Variants in KLF12 observed in about 807,000 individuals in gnomAD.
KLF12 encodes KLF transcription factor 12.
KLF12 carries 9 observed loss-of-function variants against 37.8 expected under a neutral mutation model. The ratio of observed to expected loss-of-function variants is 0.24; its 90% CI spans 0.14 to 0.42. The LOEUF (loss-of-function observed/expected upper bound fraction) is 0.42, where lower values mean the gene tolerates loss of function less well. Ranked by LOEUF, KLF12 falls within the 10% of genes least tolerant of loss-of-function variation. The probability of loss-of-function intolerance (pLI) is 1.00; values close to 1 mark genes in which losing one functional copy is unlikely to be tolerated. For missense variants in KLF12, 411 were observed against 516.0 expected, an observed-to-expected ratio of 0.80 and a Z score of 1.97; for synonymous variants, 208 against 202.1, an observed-to-expected ratio of 1.03 and a Z score of -0.25.
chr13:73,934,925 T>C (rs1483990567), intron 3 of KLF12, among the ~76,000 whole-genome samples: 1 of 151,142 alleles, frequency 6.6e-6, no homozygotes, highest in East Asian at 1.9e-4. Flanking sequence ...CTCTGTGCTT[T>C]GTGCTTTATT....
At chr13:74,237,310 T>C in the KLF12 span, among the ~76,000 whole-genome samples, 1 of 144,244 alleles carries the variant, frequency 6.9e-6, no homozygotes, top group African/African-American at 2.9e-5. Context: ...TATCTCTGTT[T>C]TGGTACAAGT....
At chr13:73,841,049 A>G (rs1884707418) in intron 4 of KLF12, among the ~76,000 whole-genome samples, 3 of 152,102 alleles carry the variant, frequency 2.0e-5, no homozygotes. Flanking sequence ...CTCCCTTATC[A>G]TGCCTTATTT....
upstream of KLF12, among the ~76,000 whole-genome samples, chr13:74,138,771 C>A (rs184409934): frequency 1.2e-3 from 185 of 152,266 alleles, no homozygotes; most frequent in Non-Finnish European, 1.8e-3. Flanking sequence ...CCCTCACATG[C>A]ACTAATTATA....
chr13:74,218,518 T>C, the KLF12 span, among the ~76,000 whole-genome samples: 4 of 152,178 alleles, frequency 2.6e-5, no homozygotes, highest in Non-Finnish European at 5.9e-5. Context: ...CAGGTTCACA[T>C]GGTTTGAGTT....
At chr13:73,994,385 AC>A (rs1892049674) in intron 2 of KLF12, among the ~76,000 whole-genome samples, 1 of 152,154 alleles carries the variant, frequency 6.6e-6, no homozygotes, top group Admixed American at 6.5e-5. Context: ...TTACATTGTA[AC>A]CAGTAGAAAC....
At chr13:73,913,599 G>C (rs1888677426) in intron 3 of KLF12, among the ~76,000 whole-genome samples, 1 of 152,168 alleles carries the variant, frequency 6.6e-6, no homozygotes, top group Admixed American at 6.5e-5. Flanking sequence ...CTCTCACATA[G>C]TGAGAAAGGG....
the KLF12 span, among the ~76,000 whole-genome samples, chr13:74,143,150 C>T: frequency 6.6e-6 from 1 of 151,214 alleles, no homozygotes; most frequent in Non-Finnish European, 1.5e-5. Flanking sequence ...CCGTCTTCTT[C>T]TCCTTCCTCT....
intron 3 of KLF12, among the ~76,000 whole-genome samples, chr13:73,925,229 T>C (rs1310218941): frequency 1.3e-5 from 2 of 152,238 alleles, no homozygotes; most frequent in Non-Finnish European, 2.9e-5. Flanking sequence ...CATCTAGGAC[T>C]TGCATAGCAA....
At chr13:73,714,975 GGA>G (rs1465602828) in intron 7 of KLF12, among the ~76,000 whole-genome samples, 2 of 152,150 alleles carry the variant, frequency 1.3e-5, no homozygotes, top group Non-Finnish European at 2.9e-5. Context: ...TTGCTATTTG[GGA>G]GAGAGTTTTG....
intron 1 of KLF12, among the ~76,000 whole-genome samples, chr13:74,058,569 G>A (rs1873394303): frequency 6.6e-6 from 1 of 150,894 alleles, no homozygotes; most frequent in African/African-American, 2.4e-5. Flanking sequence ...TGTTAGCCAG[G>A]ATGGTCTCGA....
chr13:73,870,644 G>A (rs957927501), intron 3 of KLF12, among the ~76,000 whole-genome samples: 8 of 152,196 alleles, frequency 5.3e-5, no homozygotes, highest in African/African-American at 1.9e-4. Flanking sequence ...CATAATGCTA[G>A]AACATTTGCC....
At chr13:74,276,121 C>T in the KLF12 span, among the ~76,000 whole-genome samples, 1 of 151,736 alleles carries the variant, frequency 6.6e-6, no homozygotes, top group Non-Finnish European at 1.5e-5. Context: ...AATGCTCTCC[C>T]TCCCCTTGCT....
At chr13:74,172,246 A>T in the KLF12 span, among the ~76,000 whole-genome samples, 1 of 151,886 alleles carries the variant, frequency 6.6e-6, no homozygotes, top group African/African-American at 2.4e-5. Flanking sequence ...TCAACAAGGT[A>T]TTTTCTGTAA....
intron 3 of KLF12, among the ~76,000 whole-genome samples, chr13:73,898,913 T>C (rs1186775699): frequency 6.6e-6 from 1 of 152,102 alleles, no homozygotes; most frequent in African/African-American, 2.4e-5. Context: ...GAGAGTCCCA[T>C]GGATTAAGGG....
chr13:73,705,805 G>A (rs1002084880), intron 7 of KLF12, among the ~76,000 whole-genome samples: 4 of 152,140 alleles, frequency 2.6e-5, no homozygotes, highest in Non-Finnish European at 5.9e-5. Flanking sequence ...TGGATGTATG[G>A]ATAAAATGAA....
At chr13:74,094,237 T>C (rs1340910046) in intron 1 of KLF12, among the ~76,000 whole-genome samples, 1 of 152,198 alleles carries the variant, frequency 6.6e-6, no homozygotes. Context: ...CTTTCGTCCC[T>C]TGGTGGCCGA....
intron 3 of KLF12, among the ~76,000 whole-genome samples, chr13:73,866,555 G>A (rs1005489079): frequency 1.1e-4 from 16 of 151,858 alleles, no homozygotes; most frequent in African/African-American, 3.4e-4. Flanking sequence ...AAGACAACAG[G>A]ATAGGTTTAC....
chr13:73,755,752 C>T (rs1367556206), intron 6 of KLF12, among the ~76,000 whole-genome samples: 2 of 151,818 alleles, frequency 1.3e-5, no homozygotes, highest in Non-Finnish European at 2.9e-5. Context: ...CTCACCACCC[C>T]CCCAACCCTT....
chr13:73,875,391 A>G (rs1019002893), intron 3 of KLF12, among the ~76,000 whole-genome samples: 1 of 152,174 alleles, frequency 6.6e-6, no homozygotes, highest in African/African-American at 2.4e-5. Flanking sequence ...GGTAACTTAG[A>G]AAAATGTCAA....
Sources: gnomAD v4.1 joint callset for allele counts (sites outside exome capture counted in the v4.1 genomes callset) on GRCh38, gnomAD v4.1.1 for gene constraint, MANE v1.5 for transcripts, NCBI Gene and HGNC (gene_info 2026-07-23, HGNC 2026-07-21) for gene names.